ANK2: variants seen among roughly 807,000 people sequenced by gnomAD.
ANK2 encodes ankyrin 2.
ANK2 carries 83 observed loss-of-function variants against 360.5 expected under a neutral mutation model. The ratio of observed to expected loss-of-function variants is 0.23; its 90% CI spans 0.19 to 0.28. ANK2 has a LOEUF of 0.28. Among genes scored for constraint, ANK2 ranks in the 10% least tolerant of loss-of-function variants. The pLI is 1.00. For missense variants in ANK2, 4,201 were observed against 4,795.7 expected, an observed-to-expected ratio of 0.88 and a Z score of 3.66; for synonymous variants, 1,740 against 1,759.5, an observed-to-expected ratio of 0.99 and a Z score of 0.28.
chr4:113,347,911 T>C (rs1295961210), intron 35 of ANK2: 7 of 224,668 alleles, frequency 3.1e-5, no homozygotes. Flanking sequence ...TTTGTAGCTT[T>C]TAGTATTTTC....
intron 1 of ANK2, among the ~76,000 whole-genome samples, chr4:112,850,025 A>C (rs779241246): frequency 2.4e-4 from 37 of 152,156 alleles, no homozygotes; most frequent in Admixed American, 9.8e-4. Flanking sequence ...CTTGGGCATC[A>C]GAGCTCCTGG....
intron 2 of ANK2, among the ~76,000 whole-genome samples, chr4:112,908,464 G>A (rs2086013232): frequency 1.3e-5 from 2 of 152,152 alleles, no homozygotes; most frequent in Non-Finnish European, 2.9e-5. Flanking sequence ...AGTTGAGACT[G>A]GAGAGACATA....
At position 113,363,463 on chromosome 4, in the gene ANK2, G is replaced by T. The variant is rs765610365; in HGVS notation, c.10882G>T (p.Ala3628Ser). Reference protein sequence around the residue: ...KYWLERDGKHATDTNLVECLT... With the variant: ...KYWLERDGKHSTDTNLVECLT... Reference sequence around the variant, plus strand: ...CTGGCTAGAGAGGGATGGGAAACATGCTACAGGTAAGTGGGGAACTATATG... The same window carrying T: ...CTGGCTAGAGAGGGATGGGAAACATTCTACAGGTAAGTGGGGAACTATATG... The change falls in exon 40 of 46, where the codon GCT becomes TCT. Residue 3628 changes from alanine to serine, a missense_variant. Ala to Ser is a moderately conservative substitution (Grantham distance 99). Around this residue, in one of 4 missense-constraint regions of ANK2, gnomAD observed 2,642 missense variants for 2,714.5 expected, o/e 0.97. Coordinates refer to ENST00000357077, the MANE Select transcript of ANK2 (RefSeq NM_001148.6). The T allele has an allele frequency of 1.2e-5, 20 of 1,613,370 alleles. No individual in the cohort carries two copies. Among genetic ancestry groups the T allele is most frequent in the Non-Finnish European group, 1.6e-5 (19 of 1,179,516 alleles).
intron 2 of ANK2, among the ~76,000 whole-genome samples, chr4:112,906,210 G>A (rs1258095100): frequency 6.6e-6 from 1 of 152,108 alleles, no homozygotes; most frequent in African/African-American, 2.4e-5. Context: ...AGTGTCAAAT[G>A]TTGCTGACAG....
the ANK2 span, among the ~76,000 whole-genome samples, chr4:112,784,505 G>C: frequency 6.6e-6 from 1 of 151,584 alleles, no homozygotes; most frequent in African/African-American, 2.4e-5. Context: ...CACCACTCCC[G>C]GCTAATTTTT....
At chr4:113,088,974 A>G (rs1461888000) in intron 1 of ANK2, among the ~76,000 whole-genome samples, 8 of 152,088 alleles carry the variant, frequency 5.3e-5, no homozygotes, top group Non-Finnish European at 2.9e-5. Flanking sequence ...AACCACCCCA[A>G]CACTTAGTGA....
chr4:113,369,509 T>C lies in ANK2; in HGVS notation c.11319-5T>C, dbSNP rs2096654719. On this transcript the variant is annotated splice_region_variant and splice_polypyrimidine_tract_variant and intron_variant, in intron 42 of 45. Coordinates refer to ENST00000357077, the MANE Select transcript of ANK2 (RefSeq NM_001148.6). ...CTGAAGTCTCATTTGGCTTTTTGAT[T>C]CCAGTGTGACAACTCCAGGAACAGA... 6.2e-7 allele frequency: 1 copy of C among 1,613,566 alleles called. No individual in the cohort carries two copies. The highest frequency in any genetic ancestry group is 8.5e-7 in the Non-Finnish European group (1 of 1,180,006).
At position 113,358,247 on chromosome 4, in the gene ANK2, C is replaced by T. The variant is rs1438828190; in HGVS notation, c.9629C>T (p.Thr3210Ile). 6.2e-7 allele frequency: 1 copy of T among 1,614,096 alleles called. No individual in the cohort carries two copies. Among genetic ancestry groups the T allele is most frequent in the African/African-American group, 1.3e-5 (1 of 75,050 alleles). Reference sequence around the variant, plus strand: ...TCCCAAATGGGGATTTCAGCCTCCACTGAAACACCTACAAAAGAAGCTGTT... The same window carrying T: ...TCCCAAATGGGGATTTCAGCCTCCATTGAAACACCTACAAAAGAAGCTGTT... Reference protein sequence around the residue: ...LNSQMGISASTETPTKEAVSV... With the variant: ...LNSQMGISASIETPTKEAVSV... Residue 3210 changes from threonine to isoleucine, a missense_variant, in exon 38 of 46, where the codon ACT (threonine) becomes ATT (isoleucine). Physicochemically the swap from Thr to Ile is moderately conservative, Grantham distance 89 (BLOSUM62 -1). Transcript: ENST00000357077.
chr4:113,035,977 T>A (rs1456128802), intron 2 of ANK2, among the ~76,000 whole-genome samples: 1 of 151,970 alleles, frequency 6.6e-6, no homozygotes, highest in Non-Finnish European at 1.5e-5. Flanking sequence ...CAGGTCTAAA[T>A]AATTTGCATA....
At chr4:112,851,139 C>T (rs1484405331) in intron 1 of ANK2, among the ~76,000 whole-genome samples, 2 of 152,090 alleles carry the variant, frequency 1.3e-5, no homozygotes, top group East Asian at 3.9e-4. Context: ...GAGCTGAAAC[C>T]AGAAAACGTG....
intron 2 of ANK2, among the ~76,000 whole-genome samples, chr4:113,010,680 A>G (rs375263552): frequency 6.6e-6 from 1 of 152,148 alleles, no homozygotes; most frequent in Non-Finnish European, 1.5e-5. Context: ...CTCTTTAGAC[A>G]TGGTAGATGG....
chr4:113,230,986 T>A (rs944012529), intron 4 of ANK2, among the ~76,000 whole-genome samples: 1 of 152,126 alleles, frequency 6.6e-6, no homozygotes, highest in African/African-American at 2.4e-5. Context: ...AATATAAAGA[T>A]GTTCCATATA....
chr4:113,060,577 A>T (rs994094455), intron 1 of ANK2, among the ~76,000 whole-genome samples: 4 of 152,014 alleles, frequency 2.6e-5, no homozygotes, highest in Non-Finnish European at 5.9e-5. Context: ...CACAATTCAA[A>T]TAGGATTAAG....
chr4:113,093,933 T>C (rs1043292361), intron 1 of ANK2, among the ~76,000 whole-genome samples: 1 of 152,226 alleles, frequency 6.6e-6, no homozygotes, highest in African/African-American at 2.4e-5. Context: ...TAGGAGCTCA[T>C]TGTAACTCTT....
chr4:113,062,219 C>A (rs1439831177), intron 1 of ANK2, among the ~76,000 whole-genome samples: 2 of 152,042 alleles, frequency 1.3e-5, no homozygotes, highest in Non-Finnish European at 2.9e-5. Context: ...TTTTAACTCT[C>A]TATGTCAGGA....
At chr4:113,302,085 G>A (rs930388463) in intron 22 of ANK2, among the ~76,000 whole-genome samples, 7 of 152,110 alleles carry the variant, frequency 4.6e-5, no homozygotes, top group Non-Finnish European at 1.5e-5. Context: ...GACTTGCTAG[G>A]GCCTTATAGG....
the ANK2 span, among the ~76,000 whole-genome samples, chr4:112,758,245 A>C: frequency 1.3e-5 from 2 of 152,080 alleles, no homozygotes; most frequent in African/African-American, 4.8e-5. Context: ...TCACATACAC[A>C]TTCTAACATT....
the ANK2 span, among the ~76,000 whole-genome samples, chr4:112,802,116 G>A: frequency 2.0e-5 from 3 of 152,290 alleles, no homozygotes; most frequent in Non-Finnish European, 2.9e-5. Context: ...AGAAACAGGA[G>A]GAGTGGCAGG....
the ANK2 span, among the ~76,000 whole-genome samples, chr4:112,809,720 A>G: frequency 1.1e-4 from 17 of 150,640 alleles, 1 homozygote. Context: ...CATCTCTACT[A>G]AAAATACAAC....
Sources: gnomAD v4.1 joint callset for allele counts (sites outside exome capture counted in the v4.1 genomes callset) on GRCh38, gnomAD v4.1.1 for gene constraint, gnomAD v4.1.1 regional missense constraint, MANE v1.5 for transcripts, NCBI Gene and HGNC (gene_info 2026-07-23, HGNC 2026-07-21) for gene names.